NR6A1: variants seen among roughly 807,000 people sequenced by gnomAD.
The protein encoded by NR6A1 is retinoic acid receptor-related testis-associated receptor.
NR6A1 carries 7 observed loss-of-function variants against 59.1 expected under a neutral mutation model. That is an observed-to-expected ratio of 0.12 (90% CI 0.07 to 0.22). The LOEUF (loss-of-function observed/expected upper bound fraction) is 0.22. Ranked by LOEUF, NR6A1 falls within the 10% of genes least tolerant of loss-of-function variation. The pLI, the probability that NR6A1 is intolerant of heterozygous loss-of-function variation, is 1.00. For synonymous variants in NR6A1, 243 were observed against 236.1 expected, an observed-to-expected ratio of 1.03 and a Z score of -0.27; for missense variants, 468 against 611.6, an observed-to-expected ratio of 0.77 and a Z score of 2.48.
chr9:124,528,296 T>C (rs746173832), intron 7 of NR6A1, among the ~76,000 whole-genome samples: 7 of 152,186 alleles, frequency 4.6e-5, no homozygotes, highest in Non-Finnish European at 7.4e-5. Context: ...CAGCAGCAGG[T>C]AGAACTAGTT....
At chr9:124,527,342 A>G (rs1385137235) in intron 7 of NR6A1, among the ~76,000 whole-genome samples, 1 of 152,224 alleles carries the variant, frequency 6.6e-6, no homozygotes, top group African/African-American at 2.4e-5. Flanking sequence ...TGGTGACTCT[A>G]TGTGAGCCTC....
chr9:124,525,445 A>T (rs905539140), intron 8 of NR6A1, among the ~76,000 whole-genome samples: 18 of 152,030 alleles, frequency 1.2e-4, no homozygotes, highest in African/African-American at 3.9e-4. Flanking sequence ...AGCTCACTGC[A>T]GCTGGCTCAA....
intron 1 of NR6A1, among the ~76,000 whole-genome samples, chr9:124,763,064 T>C (rs1840824118): frequency 6.6e-6 from 1 of 152,212 alleles, no homozygotes; most frequent in Non-Finnish European, 1.5e-5. Flanking sequence ...TGAACAAAAG[T>C]AGCTGGCTCA....
chr9:124,600,181 T>G (rs555573467), intron 2 of NR6A1, among the ~76,000 whole-genome samples: 14 of 152,344 alleles, frequency 9.2e-5, no homozygotes, highest in African/African-American at 3.1e-4. Flanking sequence ...CTTTTTAAAC[T>G]TACAGAGGTT....
chr9:124,669,095 T>C (rs1213758554), intron 2 of NR6A1, among the ~76,000 whole-genome samples: 2 of 152,082 alleles, frequency 1.3e-5, no homozygotes, highest in Non-Finnish European at 1.5e-5. Flanking sequence ...ATCTCAGAAG[T>C]AAAAACAAAT....
chr9:124,565,579 C>T (rs1009914643), intron 2 of NR6A1, among the ~76,000 whole-genome samples: 1 of 152,142 alleles, frequency 6.6e-6, no homozygotes, highest in Non-Finnish European at 1.5e-5. Context: ...ACATGCAATA[C>T]ACTACCTACA....
At chr9:124,631,792 AT>A (rs1162383560) in intron 2 of NR6A1, among the ~76,000 whole-genome samples, 2 of 151,922 alleles carry the variant, frequency 1.3e-5, no homozygotes, top group African/African-American at 4.8e-5. Flanking sequence ...TCCATTAGTT[AT>A]TTTTCCTGAT....
At position 124,524,839 on chromosome 9, in the gene NR6A1, T is replaced by C. The variant is rs1451066392; in HGVS notation, c.1236A>G (p.Glu412=). The change falls in exon 9 of 10, where the codon GAA becomes GAG. Residue 412 remains glutamate (E), a synonymous_variant. Coordinates refer to ENST00000487099, the MANE Select transcript of NR6A1 (RefSeq NM_033334.4). ...IRGLTSASQL[E]QLNKRYWYIC... is the part of the protein sequence containing the mutation. ...TGTACCAGTATCGTTTATTCAATTG[T>C]TCCAGCTGTGAGGCACTGGTCAGAC... The C allele has an allele frequency of 3.1e-6, 5 of 1,613,758 alleles. No homozygotes were observed. The African/African-American group carries it at 6.7e-5, about 22-fold the overall frequency.
intron 2 of NR6A1, among the ~76,000 whole-genome samples, chr9:124,609,623 T>C (rs1721176113): frequency 6.6e-6 from 1 of 152,214 alleles, no homozygotes; most frequent in Non-Finnish European, 1.5e-5. Flanking sequence ...AATTTTAAAA[T>C]AGTTTTTCCT....
intron 2 of NR6A1, among the ~76,000 whole-genome samples, chr9:124,723,150 A>G (rs1839610531): frequency 6.6e-6 from 1 of 152,092 alleles, no homozygotes; most frequent in Admixed American, 6.6e-5. Flanking sequence ...ATTAGAATAT[A>G]CTTTATTTTT....
chr9:124,528,774 A>C (rs1272893630), intron 7 of NR6A1, among the ~76,000 whole-genome samples: 1 of 152,184 alleles, frequency 6.6e-6, no homozygotes, highest in African/African-American at 2.4e-5. Flanking sequence ...AAAAAGAAAA[A>C]AAACAACCTC....
chr9:124,529,170 T>C (rs1833026311), intron 7 of NR6A1, among the ~76,000 whole-genome samples: 1 of 152,232 alleles, frequency 6.6e-6, no homozygotes, highest in Admixed American at 6.5e-5. Flanking sequence ...GGCCGATACA[T>C]TCATATTGAA....
At chr9:124,549,185 T>C (rs563253225) in intron 3 of NR6A1, among the ~76,000 whole-genome samples, 1 of 151,994 alleles carries the variant, frequency 6.6e-6, no homozygotes, top group East Asian at 1.9e-4. Context: ...TTAGAGGATG[T>C]TACAAATAAA....
At chr9:124,768,209 A>T (rs1038054706) in intron 1 of NR6A1, among the ~76,000 whole-genome samples, 1 of 152,240 alleles carries the variant, frequency 6.6e-6, no homozygotes, top group African/African-American at 2.4e-5. Flanking sequence ...CATGACAGAG[A>T]CCAAAAGACC....
intron 2 of NR6A1, among the ~76,000 whole-genome samples, chr9:124,661,892 T>C (rs575934856): frequency 2.2e-4 from 34 of 152,316 alleles, no homozygotes; most frequent in African/African-American, 8.2e-4. Context: ...AGCCCAGATA[T>C]AAGACATTTC....
chr9:124,676,867 G>C (rs1837980116), intron 2 of NR6A1, among the ~76,000 whole-genome samples: 1 of 152,158 alleles, frequency 6.6e-6, no homozygotes. Flanking sequence ...ATGAACGATA[G>C]AACCTTTAAA....
chr9:124,580,375 G>T (rs576355849), intron 2 of NR6A1, among the ~76,000 whole-genome samples: 1 of 152,216 alleles, frequency 6.6e-6, no homozygotes, highest in South Asian at 2.1e-4. Context: ...AGCTGCTGTG[G>T]GTTAGCAGTC....
intron 2 of NR6A1, among the ~76,000 whole-genome samples, chr9:124,727,950 T>C (rs992742407): frequency 6.6e-6 from 1 of 152,094 alleles, no homozygotes; most frequent in African/African-American, 2.4e-5. Flanking sequence ...CCCACAGTAC[T>C]AGGATTACAG....
At chr9:124,636,099 TG>T (rs1183458066) in intron 2 of NR6A1, among the ~76,000 whole-genome samples, 2 of 152,266 alleles carry the variant, frequency 1.3e-5, no homozygotes, top group Non-Finnish European at 2.9e-5. Flanking sequence ...ACTTCCCTGA[TG>T]ACATATGACA....
Sources: gnomAD v4.1 joint callset for allele counts (sites outside exome capture counted in the v4.1 genomes callset) on GRCh38, gnomAD v4.1.1 for gene constraint, MANE v1.5 for transcripts, NCBI Gene and HGNC (gene_info 2026-07-23, HGNC 2026-07-21) for gene names.